Variants in PSMD1 observed in about 807,000 individuals in gnomAD.
The protein encoded by PSMD1 is 26S proteasome non-ATPase regulatory subunit 1.
A neutral mutation model predicts 119.0 loss-of-function variants in PSMD1; 18 were observed. The observed-to-expected ratio is 0.15, with a 90% CI of 0.10 to 0.22. PSMD1 has a LOEUF of 0.22. Ranked by LOEUF, PSMD1 falls within the 10% of genes least tolerant of loss-of-function variation. The probability of loss-of-function intolerance (pLI) is 1.00; values close to 1 mark genes in which losing one functional copy is unlikely to be tolerated. For missense variants in PSMD1, 702 were observed against 1,158.5 expected, an observed-to-expected ratio of 0.61 and a Z score of 5.72; for synonymous variants, 374 against 396.6, an observed-to-expected ratio of 0.94 and a Z score of 0.68.
chr2:231,153,531 C>A, intron 18 of PSMD1, 33 bp from the exon 19 acceptor site: 1 of 1,437,394 alleles, frequency 7.0e-7, no homozygotes, highest in Non-Finnish European at 9.8e-7. Flanking sequence ...AATGAGTAGA[C>A]TTAGACTATA....
intron 1 of PSMD1, among the ~76,000 whole-genome samples, chr2:231,057,981 C>A (rs542095759): frequency 1.3e-5 from 2 of 152,334 alleles, no homozygotes; most frequent in South Asian, 4.1e-4. Context: ...AGACAGTAAT[C>A]TGAATGGTAA....
intron 4 of PSMD1, among the ~76,000 whole-genome samples, chr2:231,062,956 G>GT (rs1316089692): frequency 6.6e-6 from 1 of 152,086 alleles, no homozygotes; most frequent in African/African-American, 2.4e-5. Context: ...AGTTTGTGTA[G>GT]TTTTTTCGAA....
chr2:231,126,147 A>G (rs1695713903), intron 16 of PSMD1, among the ~76,000 whole-genome samples: 1 of 152,194 alleles, frequency 6.6e-6, no homozygotes, highest in Non-Finnish European at 1.5e-5. Flanking sequence ...TCATTCCTGT[A>G]ATTCCAGCAC....
intron 17 of PSMD1, among the ~76,000 whole-genome samples, chr2:231,140,716 A>G (rs1696087140): frequency 6.6e-6 from 1 of 151,582 alleles, no homozygotes; most frequent in Admixed American, 6.6e-5. Context: ...CAACTCTACT[A>G]AAAATACAAA....
intron 14 of PSMD1, 57 bp downstream of exon 14, chr2:231,083,820 A>C (rs1574716278): frequency 6.5e-7 from 1 of 1,531,860 alleles, no homozygotes; most frequent in East Asian, 2.3e-5. Context: ...AAAAACACTT[A>C]ACTTCACTGG....
chr2:231,096,481 T>G (rs533160986), intron 16 of PSMD1, among the ~76,000 whole-genome samples: 1 of 152,330 alleles, frequency 6.6e-6, no homozygotes, highest in Non-Finnish European at 1.5e-5. Flanking sequence ...ATTGCCCTTC[T>G]GCATGATGTT....
intron 6 of PSMD1, among the ~76,000 whole-genome samples, chr2:231,071,626 T>C (rs1694042798): frequency 6.6e-6 from 1 of 152,166 alleles, no homozygotes; most frequent in African/African-American, 2.4e-5. Context: ...TGTGTTTATT[T>C]TGAAGTTGAG....
intron 16 of PSMD1, chr2:231,108,791 A>G: frequency 6.2e-7 from 1 of 1,614,170 alleles, no homozygotes; most frequent in Non-Finnish European, 8.5e-7. Context: ...ATATCGGCCA[A>G]ATGCATCCCG....
chr2:231,078,880 C>T, intron 10 of PSMD1, 133 bp downstream of exon 10: 1 of 581,704 alleles, frequency 1.7e-6, no homozygotes, highest in Admixed American at 3.8e-5. Context: ...CTGCAACTTC[C>T]ATCTCCTGGG....
intron 16 of PSMD1, among the ~76,000 whole-genome samples, chr2:231,092,222 A>G (rs1694613920): frequency 6.6e-6 from 1 of 152,136 alleles, no homozygotes; most frequent in South Asian, 2.1e-4. Flanking sequence ...CACGTGTCAA[A>G]TTGGTGGGAA....
rs746800897 is a variant in PSMD1, at chr2:231,161,487, T to C, written c.2366T>C (p.Ile789Thr). Residue 789 changes from isoleucine (I) to threonine (T), a missense_variant, in exon 20 of 25, where the codon ATT becomes ACT. Physicochemically the swap from Ile to Thr is moderately conservative, Grantham distance 89 (BLOSUM62 -1). Coordinates refer to ENST00000308696, the MANE Select transcript of PSMD1 (RefSeq NM_002807.4). ...TTGGCTTATACCCCTACCTGTGTCA[T>C]TGGCCTTAACAAGGACTTAAAGGTA... The part of the protein sequence containing the change: ...LSLAYTPTCV[I>T]GLNKDLKMPK... The C allele has an allele frequency of 5.6e-6, 9 of 1,613,996 alleles. No homozygotes were observed. Among genetic ancestry groups the C allele is most frequent in the Middle Eastern group, 1.6e-4 (1 of 6,084 alleles).
At chr2:231,087,079 C>G in intron 15 of PSMD1, 38 bp from the exon 16 acceptor site, 1 of 1,575,682 alleles carries the variant, frequency 6.3e-7, no homozygotes, top group Non-Finnish European at 8.7e-7. Flanking sequence ...TAGTGGTAGA[C>G]TACATAGTAT....
chr2:231,130,967 A>G (rs1035992443), intron 16 of PSMD1, among the ~76,000 whole-genome samples: 3 of 152,220 alleles, frequency 2.0e-5, no homozygotes, highest in Non-Finnish European at 2.9e-5. Flanking sequence ...ACTGAAAGAA[A>G]GCCTAGTGGA....
intron 4 of PSMD1, among the ~76,000 whole-genome samples, chr2:231,065,663 T>C (rs931427448): frequency 2.0e-5 from 3 of 152,216 alleles, no homozygotes; most frequent in African/African-American, 4.8e-5. Context: ...CTTTTGGTTG[T>C]ACTTAGAAAG....
intron 17 of PSMD1, among the ~76,000 whole-genome samples, chr2:231,140,110 C>T (rs1696069345): frequency 2.0e-5 from 3 of 152,244 alleles, no homozygotes; most frequent in Admixed American, 2.0e-4. Context: ...ATCTGTTGTC[C>T]AAACTCAAAA....
At chr2:231,126,628 TATAG>T in intron 16 of PSMD1, among the ~76,000 whole-genome samples, 1 of 152,230 alleles carries the variant, frequency 6.6e-6, no homozygotes, top group African/African-American at 2.4e-5. Flanking sequence ...TTGATTTGTT[TATAG>T]ATAAAATTTT....
chr2:231,056,903 G>T lies in PSMD1; in HGVS notation c.-123G>T. On this transcript the variant is annotated 5_prime_UTR_variant, in exon 1 of 25. Transcript: ENST00000308696. ...AAGCGAGCCGGCGGCCTGAGGAGGC[G>T]ACTGACTGAGCAGCGCACCCGGGGA... The T allele has an allele frequency of 1.5e-6, 2 of 1,362,486 alleles. No homozygotes were observed. Among genetic ancestry groups the T allele is most frequent in the Middle Eastern group, 2.3e-4 (1 of 4,424 alleles). 84.4% of individuals were successfully genotyped at this position (1,362,486 alleles called of 1,614,324 possible). A position where few individuals can be genotyped will look rare whatever the true frequency, so the allele number is the denominator to read the frequency against.
intron 16 of PSMD1, among the ~76,000 whole-genome samples, chr2:231,091,025 C>T (rs149979650): frequency 2.6e-5 from 4 of 152,140 alleles, no homozygotes; most frequent in African/African-American, 7.2e-5. Context: ...AGACCCTGGC[C>T]GAGTGATAGA....
chr2:231,082,899 G>C lies in PSMD1; in HGVS notation c.1430G>C (p.Gly477Ala). 3 of 1,613,794 alleles carry C rather than the reference G, an allele frequency of 1.9e-6. No individual in the cohort carries two copies. In the South Asian group the frequency reaches 3.3e-5, roughly 18 times the overall value. The change falls in exon 13 of 25, where the codon GGC becomes GCC. Residue 477 changes from glycine to alanine, a missense_variant. By Grantham distance (60) the Gly-to-Ala change is moderately conservative (BLOSUM62 0). Coordinates refer to ENST00000308696, the MANE Select transcript of PSMD1 (RefSeq NM_002807.4). ...TTTCCTTAGATCGTTAGACACGGTG[G>C]CAGTCTGGGCCTTGGTTTGGCAGCC... ...NASNDIVRHG[G>A]SLGLGLAAMG...
Sources: allele counts gnomAD v4.1 joint callset (sites outside exome capture counted in the v4.1 genomes callset), GRCh38; gene constraint gnomAD v4.1.1; transcripts MANE v1.5; gene names NCBI Gene and HGNC (gene_info 2026-07-23, HGNC 2026-07-21).